MID1: variants seen among roughly 807,000 people sequenced by gnomAD.
The protein encoded by MID1 is E3 ubiquitin-protein ligase Midline-1.
Under a neutral mutation model 40.4 loss-of-function variants are expected in MID1, and 7 were observed. That is an observed-to-expected ratio of 0.17 (90% CI 0.10 to 0.33). The LOEUF (loss-of-function observed/expected upper bound fraction) is 0.33. Among genes scored for constraint, MID1 ranks in the 10% least tolerant of loss-of-function variants. The probability of loss-of-function intolerance (pLI) is 1.00; values close to 1 mark genes in which losing one functional copy is unlikely to be tolerated. For synonymous variants in MID1, 229 were observed against 221.2 expected (o/e 1.04, Z -0.31); for missense variants, 367 against 558.5 (o/e 0.66, Z 3.46).
chrX:10,615,304 T>C (rs753097182), intron 1 of MID1, among the ~76,000 whole-genome samples: 13 of 112,312 alleles, frequency 1.2e-4, no homozygotes, highest in African/African-American at 3.9e-4. Flanking sequence ...AAAGTCATAT[T>C]TGGAACCCAG....
chrX:10,563,794 T>C (rs1281518115), intron 2 of MID1, among the ~76,000 whole-genome samples: 1 of 112,240 alleles, frequency 8.9e-6, no homozygotes, highest in East Asian at 2.8e-4. Flanking sequence ...ATTTTATTTG[T>C]ACGAGTTCAA....
rs538710135 is a variant in MID1, at chrX:10,522,753, C to T, written c.756+339G>A. 3.7e-4 allele frequency among the ~76,000 whole-genome samples: 42 copies of T among 112,016 alleles called. No homozygotes were observed. The Middle Eastern group carries it at 0.014, about 37-fold the overall frequency. On this transcript the variant is annotated intron_variant, in intron 3 of 9. Transcript: ENST00000317552. ...CCTCGTGATCTGCCTGCCTCGGCCT[C>T]CCAAAGTGCTGGGGTTACAGGCGTG...
intron 7 of MID1, among the ~76,000 whole-genome samples, chrX:10,460,313 G>C (rs558948557): frequency 1.8e-5 from 2 of 111,369 alleles, no homozygotes; most frequent in East Asian, 2.8e-4. Context: ...ACCAAGCAGC[G>C]ATCAGCCAAC....
At chrX:10,734,339 A>G (rs2043472822) in intron 1 of MID1, among the ~76,000 whole-genome samples, 1 of 111,396 alleles carries the variant, frequency 9.0e-6, no homozygotes, top group African/African-American at 3.3e-5. Context: ...CTAAATGATG[A>G]GAACTCATGA....
At chrX:10,748,686 G>A (rs749800093) in intron 1 of MID1, among the ~76,000 whole-genome samples, 2 of 111,899 alleles carry the variant, frequency 1.8e-5, no homozygotes, top group South Asian at 3.7e-4. Flanking sequence ...ATCAATATAC[G>A]CATTGGTGAT....
chrX:10,645,912 G>A (rs188740606), intron 1 of MID1, among the ~76,000 whole-genome samples: 15 of 111,827 alleles, frequency 1.3e-4, no homozygotes, highest in East Asian at 2.8e-4. Flanking sequence ...AGATGGATGG[G>A]CCACAGGAGC....
chrX:10,574,607 C>T (rs1298520091), intron 1 of MID1, among the ~76,000 whole-genome samples: 3 of 112,099 alleles, frequency 2.7e-5, no homozygotes, highest in Non-Finnish European at 3.8e-5. Context: ...ATAAGGTAAA[C>T]CCACCTCTCA....
At chrX:10,807,794 T>A (rs2044058145) in intron 1 of MID1, among the ~76,000 whole-genome samples, 1 of 112,378 alleles carries the variant, frequency 8.9e-6, no homozygotes, top group Admixed American at 9.4e-5. Context: ...CTGTGCTGTA[T>A]ACCTTAACAT....
chrX:10,644,687 C>A (rs965376623), intron 1 of MID1, among the ~76,000 whole-genome samples: 12 of 111,066 alleles, frequency 1.1e-4, no homozygotes, highest in African/African-American at 3.9e-4. Context: ...ACTTTTCAAG[C>A]AACCTAATTA....
intron 1 of MID1, among the ~76,000 whole-genome samples, chrX:10,799,683 G>A (rs932089895): frequency 2.9e-4 from 33 of 112,175 alleles, no homozygotes; most frequent in Non-Finnish European, 4.3e-4. Flanking sequence ...TGATCTCAAT[G>A]TAGCCTTAAG....
chrX:10,474,318 G>A (rs1929879962), intron 6 of MID1, among the ~76,000 whole-genome samples: 1 of 111,911 alleles, frequency 8.9e-6, no homozygotes, highest in African/African-American at 3.2e-5. Context: ...TTACTACTAT[G>A]ATATGAAAAA....
In MID1 at chrX:10,460,444, C is replaced by CCGAG. The variant is rs1437874348; in HGVS notation, c.1286-641_1286-638dup. Reference sequence around the variant, plus strand: ...TGCAGGATGTGGGTTGGGGAGCAGACCGAGTATTTATGATGCTTGGAAGAA... The same window carrying CCGAG: ...TGCAGGATGTGGGTTGGGGAGCAGACCGAGCGAGTATTTATGATGCTTGGAAGAA... On this transcript the variant is annotated intron_variant, in intron 7 of 9. Transcript: ENST00000317552. 2.7e-5 allele frequency among the ~76,000 whole-genome samples: 3 copies of CCGAG among 111,295 alleles called. No homozygotes were observed. In the East Asian group the frequency reaches 8.5e-4, roughly 32 times the overall value.
At chrX:10,786,792 G>T (rs2043887701) in intron 1 of MID1, among the ~76,000 whole-genome samples, 1 of 79,963 alleles carries the variant, frequency 1.3e-5, no homozygotes, top group African/African-American at 5.0e-5. Flanking sequence ...ACAGGAAGGG[G>T]AACATCACAC....
chrX:10,671,214 C>T (rs971927199), intron 1 of MID1, among the ~76,000 whole-genome samples: 1 of 111,977 alleles, frequency 8.9e-6, no homozygotes, highest in African/African-American at 3.2e-5. Flanking sequence ...TACTAAATAT[C>T]TCACAAAATT....
intron 2 of MID1, among the ~76,000 whole-genome samples, chrX:10,566,512 C>CTCTCTCTCT (rs1569107605): frequency 1.0e-4 from 4 of 40,033 alleles, no homozygotes; most frequent in African/African-American, 3.0e-4. Context: ...TCTCTCTCTC[C>CTCTCTCTCT]CTCTCTCTCC....
chrX:10,536,088 G>T (rs1933240574), intron 2 of MID1, among the ~76,000 whole-genome samples: 1 of 109,979 alleles, frequency 9.1e-6, no homozygotes, highest in Non-Finnish European at 1.9e-5. Flanking sequence ...AGCTGGGCGT[G>T]GTGGCATGCA....
chrX:10,477,598 G>C (rs1930083798), intron 5 of MID1, among the ~76,000 whole-genome samples: 1 of 112,028 alleles, frequency 8.9e-6, no homozygotes, highest in Non-Finnish European at 1.9e-5. Flanking sequence ...AATCCTTATT[G>C]CCCATCTTCT....
At chrX:10,465,208 T>A (rs867692677) in intron 7 of MID1, among the ~76,000 whole-genome samples, 1 of 65,135 alleles carries the variant, frequency 1.5e-5, no homozygotes, top group African/African-American at 8.4e-5. Flanking sequence ...TATATATATA[T>A]ATATATACAC....
At chrX:10,455,830 G>A (rs942183304) in intron 8 of MID1, among the ~76,000 whole-genome samples, 1 of 111,648 alleles carries the variant, frequency 9.0e-6, no homozygotes, top group Admixed American at 9.5e-5. Flanking sequence ...ATATAATAAG[G>A]CCTTCTCTAT....
Sources: allele counts gnomAD v4.1 joint callset (sites outside exome capture counted in the v4.1 genomes callset), GRCh38; gene constraint gnomAD v4.1.1; transcripts MANE v1.5; gene names NCBI Gene and HGNC (gene_info 2026-07-23, HGNC 2026-07-21).